Variants in OGG1 observed in about 807,000 individuals in gnomAD.
OGG1 encodes the protein N-glycosylase/DNA lyase.
Under a neutral mutation model 42.3 loss-of-function variants are expected in OGG1, and 35 were observed. The ratio of observed to expected loss-of-function variants is 0.83; its 90% confidence interval spans 0.63 to 1.10. The LOEUF (loss-of-function observed/expected upper bound fraction) is 1.10, where lower values mean the gene tolerates loss of function less well. Among genes scored for constraint, OGG1 ranks in the 50% least tolerant of loss-of-function variants. OGG1 has a pLI of 0.00. For missense variants in OGG1, 484 were observed against 446.7 expected (o/e 1.08, Z -0.75); for synonymous variants, 189 against 179.0 (o/e 1.06, Z -0.44).
intron 3 of OGG1, among the ~76,000 whole-genome samples, chr3:9,786,597 C>T (rs890361826): frequency 6.6e-6 from 1 of 152,176 alleles, no homozygotes; most frequent in African/African-American, 2.4e-5. Context: ...TGTAACACAG[C>T]GTTAACCACT....
In OGG1 at chr3:9,762,908, C is replaced by T. The variant is rs1349393601; in HGVS notation, c.1049-2901C>T. The T allele has an allele frequency of 9.3e-6, 15 of 1,613,956 alleles. No homozygotes were observed. The South Asian group carries it at 1.4e-4, about 15-fold the overall frequency. On this transcript the variant is annotated intron_variant, in intron 7 of 7. Transcript: ENST00000302008. ...CCCTAGCTCACCACACCCCCTTGAG[C>T]CCCACCTTGAGATCCCGGTGTACAA...
Position 9,751,208 on chromosome 3 carries a change from G to A in OGG1, c.385+16G>A. 5.0e-6 allele frequency: 8 copies of A among 1,613,062 alleles called. No individual in the cohort carries two copies. Among genetic ancestry groups the A allele is most frequent in the Non-Finnish European group, 6.8e-6 (8 of 1,179,504 alleles). On this transcript the variant is annotated intron_variant, in intron 2 of 6. Transcript: ENST00000344629. ...AAATTCCAAGGTGAGTACAGGACCT[G>A]GGCTGGGGTTAGGGTTCTTGGACAT... is the stretch of plus-strand genomic sequence containing the variant.
chr3:9,750,581 T>G lies in OGG1; in HGVS notation c.137+158T>G, dbSNP rs1022053927. ...GGTAGCCAACCTGTTACCTTTAATA[T>G]GTCTGTACAGTGATAATTGTAAGGA... On this transcript the variant is annotated intron_variant, in intron 1 of 6. Transcript: ENST00000344629. The G allele has an allele frequency of 1.7e-5, 16 of 937,370 alleles. No individual in the cohort carries two copies. In the African/African-American group the frequency reaches 2.3e-4, roughly 13 times the overall value. 58.1% of individuals were successfully genotyped at this position (937,370 alleles called of 1,614,324 possible).
At chr3:9,770,974 T>C (rs1003304691), downstream of OGG1, among the ~76,000 whole-genome samples, 3 of 152,082 alleles carry the variant, frequency 2.0e-5, no homozygotes, top group Non-Finnish European at 2.9e-5. Flanking sequence ...GCCCAGCTCA[T>C]TTCCTTTTTC....
chr3:9,758,103 A>G, downstream of OGG1: 1 of 443,496 alleles, frequency 2.3e-6, no homozygotes, highest in Non-Finnish European at 3.9e-6. Flanking sequence ...TTAATATGTA[A>G]TAGCAAACAC....
rs551698361 is a variant in OGG1 at position 9,755,254 on chromosome 3, G to A, written c.747+369G>A. On this transcript the variant is annotated intron_variant, in intron 4 of 6. Coordinates refer to ENST00000344629, the MANE Select transcript of OGG1 (RefSeq NM_002542.6). The stretch of plus-strand genomic sequence containing the variant: ...TGTTTGTTTGTTTTGGTAGAAATAG[G>A]CTCTTAACAATGTTGCCTAGGCTGG... Among the ~76,000 whole-genome samples, 13 of 152,164 alleles carry A rather than the reference G, an allele frequency of 8.5e-5. No individual in the cohort carries two copies. The East Asian group carries it at 2.3e-3, about 27-fold the overall frequency.
At chr3:9,758,093 TTAA>T (rs1575216159), downstream of OGG1, 1 of 484,644 alleles carries the variant, frequency 2.1e-6, no homozygotes, top group Non-Finnish European at 3.5e-6. Flanking sequence ...ATAATTCATA[TTAA>T]TATGTAATAG....
At chr3:9,783,942 C>A in intron 3 of OGG1, 2 of 1,464,704 alleles carry the variant, frequency 1.4e-6, no homozygotes, top group Non-Finnish European at 1.8e-6. Flanking sequence ...GATTGGAAAG[C>A]CTGTTGTAAA....
intron 3 of OGG1, among the ~76,000 whole-genome samples, chr3:9,785,080 T>C (rs1415804058): frequency 6.6e-6 from 1 of 152,172 alleles, no homozygotes; most frequent in Non-Finnish European, 1.5e-5. Flanking sequence ...TAGCCAACCA[T>C]TCCCCTTCAG....
At chr3:9,761,456 C>G (rs746753339), downstream of OGG1, 24 of 1,608,150 alleles carry the variant, frequency 1.5e-5, no homozygotes, top group African/African-American at 3.1e-4. Flanking sequence ...CCAAGCCCCA[C>G]TTACAAGATG....
intron 3 of OGG1, among the ~76,000 whole-genome samples, chr3:9,786,528 T>A (rs931823217): frequency 1.3e-5 from 2 of 152,196 alleles, no homozygotes; most frequent in African/African-American, 4.8e-5. Context: ...AGGGTTTGAA[T>A]CCTGGTGTGT....
In OGG1 at chr3:9,756,783, C is replaced by A. The variant is rs776625718; in HGVS notation, c.915C>A (p.Ser305Arg). The A allele has an allele frequency of 5.6e-6, 9 of 1,613,998 alleles. No individual in the cohort carries two copies. The highest frequency in any genetic ancestry group is 2.2e-5 in the South Asian group (2 of 91,086). The change falls in exon 6 of 7, where the codon AGC becomes AGA. Residue 305 changes from serine to arginine, a missense_variant. Transcript: ENST00000344629. ...CTGATTTAGGAAACTTTTTCCGGAG[C>A]CTGTGGGGACCTTATGCTGGCTGGG... ...TNKELGNFFRSLWGPYAGWAQ... is the reference protein window; with the variant it reads ...TNKELGNFFRRLWGPYAGWAQ...
chr3:9,756,163 A>C (rs934863382), intron 4 of OGG1, among the ~76,000 whole-genome samples: 3 of 152,194 alleles, frequency 2.0e-5, no homozygotes, highest in Non-Finnish European at 2.9e-5. Flanking sequence ...CTAAAAACAC[A>C]AAAATTAGCC....
At chr3:9,775,062 A>C (rs1195133760) in intron 2 of OGG1, among the ~76,000 whole-genome samples, 1 of 151,166 alleles carries the variant, frequency 6.6e-6, no homozygotes, top group African/African-American at 2.4e-5. Context: ...CAACATGGTG[A>C]GACCCTGTCT....
At position 9,784,220 on chromosome 3, in the gene OGG1, C is replaced by T. The variant is rs765723950; in HGVS notation, c.382+2620C>T. On this transcript the variant is annotated intron_variant, in intron 3 of 3. Coordinates refer to the OGG1 transcript ENST00000426518. ...GGACTTAGTATGCGGCACACTGCAG[C>T]GGGAGGCAGGCCCGTCAGACTCAAG... is the stretch of plus-strand genomic sequence containing the variant. The T allele has an allele frequency of 1.6e-5, 26 of 1,599,622 alleles. No individual in the cohort carries two copies. The East Asian group carries it at 2.5e-4, about 15-fold the overall frequency.
At chr3:9,752,942 G>A (rs773655213) in intron 3 of OGG1, among the ~76,000 whole-genome samples, 16 of 152,242 alleles carry the variant, frequency 1.1e-4, no homozygotes, top group Non-Finnish European at 2.2e-4. Flanking sequence ...CAGCTACTCC[G>A]GAGGGTGAGG....
intron 2 of OGG1, among the ~76,000 whole-genome samples, chr3:9,779,690 AT>A (rs2078416917): frequency 6.6e-6 from 1 of 152,098 alleles, no homozygotes; most frequent in Non-Finnish European, 1.5e-5. Context: ...ACCCTGAAGA[AT>A]TGCTAGATTG....
downstream of OGG1, chr3:9,757,779 C>A (rs758189766): frequency 9.3e-6 from 15 of 1,613,986 alleles, no homozygotes; most frequent in East Asian, 2.2e-5. This position sits in a 1 kb window ranked among gnomAD's most constrained non-coding sequence, Gnocchi z 4.5. Context: ...CTGCCCCTGC[C>A]CCTCCTGGCT....
downstream of OGG1, among the ~76,000 whole-genome samples, chr3:9,769,039 C>G (rs1009837003): frequency 6.6e-6 from 1 of 152,002 alleles, no homozygotes; most frequent in African/African-American, 2.4e-5. Flanking sequence ...ACACCTGCCT[C>G]CCAGATCCAG....
Sources: gnomAD v4.1 joint callset for allele counts (sites outside exome capture counted in the v4.1 genomes callset) on GRCh38, gnomAD v4.1.1 for gene constraint, Gnocchi (gnomAD v3.1) non-coding constraint, MANE v1.5 for transcripts, NCBI Gene and HGNC (gene_info 2026-07-23, HGNC 2026-07-21) for gene names.